CSMD1: variants seen among roughly 807,000 people sequenced by gnomAD.
CSMD1 encodes the protein CUB and sushi domain-containing protein 1.
CSMD1 carries 213 observed loss-of-function variants against 417.5 expected under a neutral mutation model. The ratio of observed to expected loss-of-function variants is 0.51; its 90% CI spans 0.46 to 0.57. The LOEUF is 0.57. CSMD1 is among the 20% of genes least tolerant of loss of function. The pLI is 0.00. For missense variants in CSMD1, 6,923 were observed against 4,529.7 expected (o/e 1.53, Z -15.17); for synonymous variants, 2,862 against 1,736.8 (o/e 1.65, Z -16.11).
chr8:4,278,523 A>G (rs368840707), intron 3 of CSMD1, among the ~76,000 whole-genome samples: 1 of 152,362 alleles, frequency 6.6e-6, no homozygotes, highest in East Asian at 1.9e-4. Flanking sequence ...GAGTTTTACC[A>G]TTAAAGTAAG....
At chr8:4,854,702 C>T (rs148018446) in intron 1 of CSMD1, among the ~76,000 whole-genome samples, 2 of 152,132 alleles carry the variant, frequency 1.3e-5, no homozygotes, top group African/African-American at 2.4e-5. Flanking sequence ...TGCCCTTTTC[C>T]GACGGGCTTA....
intron 3 of CSMD1, among the ~76,000 whole-genome samples, chr8:4,133,421 C>T (rs1366832693): frequency 6.6e-6 from 1 of 152,302 alleles, no homozygotes; most frequent in Non-Finnish European, 1.5e-5. Context: ...GTGTTCCTAA[C>T]ATAAATTTAA....
chr8:4,527,315 A>G (rs997699208), intron 2 of CSMD1, among the ~76,000 whole-genome samples: 2 of 152,176 alleles, frequency 1.3e-5, no homozygotes, highest in Admixed American at 6.5e-5. Flanking sequence ...ATATTGTTAT[A>G]TAAGTCTTCC....
intron 2 of CSMD1, among the ~76,000 whole-genome samples, chr8:4,590,739 T>C (rs547965603): frequency 6.6e-6 from 1 of 152,332 alleles, no homozygotes; most frequent in South Asian, 2.1e-4. Flanking sequence ...TTTTATGCTT[T>C]TGGTTTTCTT....
chr8:3,140,987 G>A lies in CSMD1; in HGVS notation c.6241+1478C>T, dbSNP rs904627756. On this transcript the variant is annotated intron_variant, in intron 41 of 69. Coordinates refer to ENST00000635120, the MANE Select transcript of CSMD1 (RefSeq NM_033225.6). ...AACAATGCAGGTACCCATTATCTGT[G>A]CTAAGGCAAGGCATACATACCTGAG... 1.1e-4 allele frequency among the ~76,000 whole-genome samples: 16 copies of A among 152,302 alleles called. No homozygotes were observed. In the South Asian group the frequency reaches 2.3e-3, roughly 22 times the overall value.
chr8:3,223,253 T>C (rs1266842496), intron 28 of CSMD1, among the ~76,000 whole-genome samples: 1 of 152,202 alleles, frequency 6.6e-6, no homozygotes, highest in Non-Finnish European at 1.5e-5. Context: ...TAACTCAGAC[T>C]TTACAGCAAC....
At chr8:3,788,424 C>G (rs1252032528) in intron 5 of CSMD1, among the ~76,000 whole-genome samples, 1 of 152,036 alleles carries the variant, frequency 6.6e-6, no homozygotes, top group East Asian at 1.9e-4. Context: ...CTGGAGGTGC[C>G]CAACAGAAGA....
intron 5 of CSMD1, among the ~76,000 whole-genome samples, chr8:3,914,461 A>G (rs763381337): frequency 5.3e-4 from 81 of 152,174 alleles, no homozygotes; most frequent in Non-Finnish European, 1.0e-3. Context: ...GCTAATTATT[A>G]TTATATCATG....
chr8:4,032,256 T>C (rs1475779830), intron 3 of CSMD1, among the ~76,000 whole-genome samples, 157 bp from the exon 4 acceptor site: 1 of 152,140 alleles, frequency 6.6e-6, no homozygotes, highest in Non-Finnish European at 1.5e-5. Context: ...ACTGAGAAAA[T>C]GTCTTCAGGT....
intron 9 of CSMD1, among the ~76,000 whole-genome samples, chr8:3,585,027 A>G (rs1052757286): frequency 3.3e-5 from 5 of 152,292 alleles, no homozygotes; most frequent in East Asian, 1.9e-4. Context: ...AAGGGTCTCC[A>G]TTTAAGAGGT....
chr8:3,463,445 C>A (rs1376421895), intron 12 of CSMD1, among the ~76,000 whole-genome samples: 3 of 152,232 alleles, frequency 2.0e-5, no homozygotes, highest in African/African-American at 7.2e-5. Context: ...AGCATTCCCA[C>A]AACATGTAAA....
chr8:3,470,291 T>C (rs1055893918), intron 11 of CSMD1, among the ~76,000 whole-genome samples: 2 of 152,248 alleles, frequency 1.3e-5, no homozygotes, highest in Admixed American at 6.5e-5. Flanking sequence ...AATTTCTACA[T>C]AGAATTTATA....
chr8:3,106,316 G>C (rs1471587065), intron 46 of CSMD1, among the ~76,000 whole-genome samples: 1 of 151,972 alleles, frequency 6.6e-6, no homozygotes, highest in African/African-American at 2.4e-5. Flanking sequence ...AGGATCACCT[G>C]AGACCAGGGA....
chr8:3,107,420 T>C (rs961508834), intron 45 of CSMD1, among the ~76,000 whole-genome samples: 1 of 152,176 alleles, frequency 6.6e-6, no homozygotes, highest in Non-Finnish European at 1.5e-5. Context: ...CTGAATACTT[T>C]ATTAAAAACT....
At chr8:4,395,927 G>C (rs7844370) in intron 3 of CSMD1, among the ~76,000 whole-genome samples, 28,032 of 152,116 alleles carry the variant, frequency 0.18, 5,055 homozygotes, top group African/African-American at 0.47. Context: ...GACAGTTTTT[G>C]TAACCGTTGA....
intron 1 of CSMD1, among the ~76,000 whole-genome samples, chr8:4,745,485 T>C (rs1225703757): frequency 2.6e-5 from 4 of 152,216 alleles, no homozygotes; most frequent in Non-Finnish European, 5.9e-5. Flanking sequence ...TGGTATCATA[T>C]ATTCTTTCTT....
At chr8:4,426,180 T>G (rs959222920) in intron 2 of CSMD1, among the ~76,000 whole-genome samples, 1 of 151,656 alleles carries the variant, frequency 6.6e-6, no homozygotes. Flanking sequence ...AATCAGGAAA[T>G]AGACTGGAAT....
At chr8:4,514,137 G>C (rs1397769465) in intron 2 of CSMD1, among the ~76,000 whole-genome samples, 1 of 152,088 alleles carries the variant, frequency 6.6e-6, no homozygotes, top group Non-Finnish European at 1.5e-5. Flanking sequence ...TTCACACAGA[G>C]TGAGCTCCTG....
intron 10 of CSMD1, among the ~76,000 whole-genome samples, chr8:3,541,598 C>T (rs1351138559): frequency 6.8e-6 from 1 of 146,414 alleles, no homozygotes; most frequent in African/African-American, 2.6e-5. Flanking sequence ...AAATAAAATA[C>T]TCTAAAAATG....
Sources: gnomAD v4.1 joint callset for allele counts (sites outside exome capture counted in the v4.1 genomes callset) on GRCh38, gnomAD v4.1.1 for gene constraint, MANE v1.5 for transcripts, NCBI Gene and HGNC (gene_info 2026-07-23, HGNC 2026-07-21) for gene names.